ESR1: variants seen among roughly 807,000 people sequenced by gnomAD.
ESR1 encodes estrogen receptor.
In ESR1, 12 loss-of-function variants were observed where a neutral mutation model predicts 52.7. The observed-to-expected ratio is 0.23, with a 90% CI of 0.15 to 0.37. The LOEUF (loss-of-function observed/expected upper bound fraction) is 0.37. Among genes scored for constraint, ESR1 ranks in the 10% least tolerant of loss-of-function variants. The pLI is 1.00. For synonymous variants in ESR1, 305 were observed against 316.8 expected (o/e 0.96, Z 0.39); for missense variants, 584 against 779.7 (o/e 0.75, Z 2.99).
In ESR1 at chr6:151,666,576, C is replaced by A. The variant is rs188227812; in HGVS notation, n.73+9813C>A. On this transcript the variant is annotated intron_variant and non_coding_transcript_variant, in intron 1 of 2. Coordinates refer to the ESR1 transcript ENST00000473497. Reference sequence around the variant, plus strand: ...TAACTCTATGAGCTCTCTGTTCCTTCAAAGTACTGGAGCTTCTGGCCTTAG... The same window carrying A: ...TAACTCTATGAGCTCTCTGTTCCTTAAAAGTACTGGAGCTTCTGGCCTTAG... Among the ~76,000 whole-genome samples the A allele has an allele frequency of 2.4e-3, 365 of 152,270 alleles. 1 individual carries two copies. The highest frequency in any genetic ancestry group is 8.3e-3 in the African/African-American group (343 of 41,568).
intron 5 of ESR1, among the ~76,000 whole-genome samples, chr6:152,051,333 T>C (rs191821652): frequency 1.3e-5 from 2 of 152,044 alleles, no homozygotes; most frequent in Non-Finnish European, 2.9e-5. Flanking sequence ...TTCACTTCCA[T>C]CCCCAGGCTG....
At chr6:151,678,232 G>A (rs191671504) in intron 1 of ESR1, among the ~76,000 whole-genome samples, 1 of 152,282 alleles carries the variant, frequency 6.6e-6, no homozygotes, top group African/African-American at 2.4e-5. Flanking sequence ...CAGCACTTTG[G>A]GAAGCTGAGG....
chr6:151,691,450 A>C (rs982117553), intron 1 of ESR1, among the ~76,000 whole-genome samples: 8 of 152,348 alleles, frequency 5.3e-5, no homozygotes, highest in African/African-American at 1.9e-4. Context: ...TACTTTGTCA[A>C]GAAGATAACC....
At chr6:151,832,582 T>G (rs944822482) in intron 1 of ESR1, among the ~76,000 whole-genome samples, 5 of 152,190 alleles carry the variant, frequency 3.3e-5, no homozygotes, top group Non-Finnish European at 7.4e-5. Flanking sequence ...ATACAAGCAT[T>G]GATAACTGGC....
At chr6:151,806,962 T>C (rs1021739532), upstream of ESR1, among the ~76,000 whole-genome samples, 25 of 152,252 alleles carry the variant, frequency 1.6e-4, no homozygotes, top group African/African-American at 2.4e-4. Flanking sequence ...AGTACTGTGG[T>C]CCAACATAAA....
rs1481040406 is a variant in ESR1 at position 152,061,039 on chromosome 6, G to A, written c.1284G>A (p.Leu428=). 1.2e-6 allele frequency: 2 copies of A among 1,613,080 alleles called. No homozygotes were observed. The highest frequency in any genetic ancestry group is 4.5e-5 in the East Asian group (2 of 44,824). ...GCATGGTGGAGATCTTCGACATGCT[G>A]CTGGCTACATCATCTCGGTTCCGCA... The part of the protein sequence containing the change: ...VEGMVEIFDM[L]LATSSRFRMM... Residue 428 remains leucine (L), a synonymous_variant, in exon 6 of 8, where the codon CTG becomes CTA. Transcript: ENST00000206249. This position sits in a 1 kb window ranked among gnomAD's most constrained non-coding sequence, Gnocchi z 4.3.
At chr6:151,697,793 C>A (rs1009738127) in intron 1 of ESR1, among the ~76,000 whole-genome samples, 1 of 152,184 alleles carries the variant, frequency 6.6e-6, no homozygotes, top group African/African-American at 2.4e-5. Context: ...CTTTAGCAAA[C>A]TTCTCTTAGA....
At chr6:151,831,952 G>C (rs761408998) in intron 1 of ESR1, among the ~76,000 whole-genome samples, 1 of 152,110 alleles carries the variant, frequency 6.6e-6, no homozygotes, top group Non-Finnish European at 1.5e-5. Context: ...AGATGATTTC[G>C]TGGAGCTTCT....
At chr6:151,680,493 C>T (rs1778418178) in intron 1 of ESR1, among the ~76,000 whole-genome samples, 2 of 152,160 alleles carry the variant, frequency 1.3e-5, no homozygotes, top group South Asian at 4.2e-4. Context: ...AGCCACCATG[C>T]CCGGCCAGAT....
At position 152,054,522 on chromosome 6, in the gene ESR1, C is replaced by T. The variant is rs115311839; in HGVS notation, c.1236-6469C>T. ...CGTCTCTCTCCCCCAATCTCCTTTGCGCACTGATGCCAAATTAGTCACAAC... is the reference window on the plus strand; with the variant it reads ...CGTCTCTCTCCCCCAATCTCCTTTGTGCACTGATGCCAAATTAGTCACAAC... On this transcript the variant is annotated intron_variant, in intron 5 of 7. Coordinates refer to ENST00000206249, the MANE Select transcript of ESR1 (RefSeq NM_000125.4). Among the ~76,000 whole-genome samples, 493 of 152,130 alleles carry T rather than the reference C, an allele frequency of 3.2e-3. 6 individuals are homozygous for T. Among genetic ancestry groups the T allele is most frequent in the African/African-American group, 0.011 (441 of 41,478 alleles).
chr6:151,850,245 A>T (rs1786395323), intron 2 of ESR1, among the ~76,000 whole-genome samples: 2 of 149,792 alleles, frequency 1.3e-5, no homozygotes, highest in Admixed American at 6.8e-5. Flanking sequence ...GTTAAGGTGA[A>T]GTTATACTGT....
chr6:151,711,500 C>T (rs1313137458), intron 2 of ESR1, among the ~76,000 whole-genome samples: 2 of 152,172 alleles, frequency 1.3e-5, no homozygotes, highest in Non-Finnish European at 2.9e-5. Flanking sequence ...GGATTACAGG[C>T]GTGAGCCACC....
intron 2 of ESR1, among the ~76,000 whole-genome samples, chr6:151,741,876 A>T (rs758526068): frequency 1.3e-5 from 2 of 152,138 alleles, no homozygotes; most frequent in Non-Finnish European, 2.9e-5. Flanking sequence ...AAATCTCTAG[A>T]CTTGTTCATC....
At chr6:151,767,563 AG>A (rs1459938591) in intron 2 of ESR1, among the ~76,000 whole-genome samples, 10 of 152,380 alleles carry the variant, frequency 6.6e-5, no homozygotes, top group Admixed American at 2.6e-4. Flanking sequence ...AATTAGTGAT[AG>A]GTAAATATAT....
chr6:152,070,601 G>A (rs1160795355), intron 6 of ESR1, among the ~76,000 whole-genome samples: 1 of 138,348 alleles, frequency 7.2e-6, no homozygotes, highest in Non-Finnish European at 1.5e-5. Context: ...CACTTAGCCA[G>A]AATATGTACA....
At chr6:152,095,391 C>A (rs1347536219) in intron 7 of ESR1, among the ~76,000 whole-genome samples, 1 of 152,160 alleles carries the variant, frequency 6.6e-6, no homozygotes, top group Admixed American at 6.5e-5. Context: ...TGGCGGTCAG[C>A]CCTCCTGACC....
chr6:151,837,337 A>G (rs1371396504), intron 1 of ESR1, among the ~76,000 whole-genome samples: 1 of 151,624 alleles, frequency 6.6e-6, no homozygotes, highest in Non-Finnish European at 1.5e-5. Context: ...TGACCTCATG[A>G]TTCACCCACC....
intron 2 of ESR1, among the ~76,000 whole-genome samples, chr6:151,785,409 A>C (rs1318280856): frequency 6.6e-6 from 1 of 152,244 alleles, no homozygotes; most frequent in East Asian, 1.9e-4. Context: ...CCTGGAGCCC[A>C]TACTTTGAGA....
In ESR1 at chr6:151,879,429, C is replaced by T. The variant is rs138505830; in HGVS notation, c.644-1226C>T. 7.9e-4 allele frequency among the ~76,000 whole-genome samples: 120 copies of T among 152,132 alleles called. 2 individuals carry two copies. In the East Asian group the frequency reaches 0.017, roughly 22 times the overall value. ...AAGAAAAGGAGATTTCATGTGCAGACGTTTCTGAGTTCAGCTGGGAACAAG... is the reference window on the plus strand; with the variant it reads ...AAGAAAAGGAGATTTCATGTGCAGATGTTTCTGAGTTCAGCTGGGAACAAG... On this transcript the variant is annotated intron_variant, in intron 2 of 7. Transcript: ENST00000206249.
Sources: allele counts gnomAD v4.1 joint callset (sites outside exome capture counted in the v4.1 genomes callset), GRCh38; gene constraint gnomAD v4.1.1; non-coding constraint Gnocchi (gnomAD v3.1); transcripts MANE v1.5; gene names NCBI Gene and HGNC (gene_info 2026-07-23, HGNC 2026-07-21).